The following CTNNA3 variants were observed in gnomAD, a reference collection of about 807,000 sequenced individuals.
CTNNA3 encodes the protein catenin alpha 3, also known as catenin alpha-3.
Under a neutral mutation model 95.7 loss-of-function variants are expected in CTNNA3, and 76 were observed. The observed-to-expected ratio is 0.79, with a 90% CI of 0.66 to 0.96. The LOEUF (loss-of-function observed/expected upper bound fraction) is 0.96, where lower values mean the gene tolerates loss of function less well. Ranked by LOEUF, CTNNA3 falls within the 40% of genes least tolerant of loss-of-function variation. The pLI, the probability that CTNNA3 is intolerant of heterozygous loss-of-function variation, is 0.00. For synonymous variants in CTNNA3, 431 were observed against 374.4 expected (o/e 1.15, Z -1.74); for missense variants, 1,191 against 1,089.8 (o/e 1.09, Z -1.31).
intron 8 of CTNNA3, among the ~76,000 whole-genome samples, chr10:66,772,892 A>G (rs1261967722): frequency 1.3e-5 from 2 of 152,218 alleles, no homozygotes; most frequent in Non-Finnish European, 2.9e-5. Context: ...AAAAGTTTTA[A>G]AAGATAAAAC....
intron 3 of CTNNA3, among the ~76,000 whole-genome samples, chr10:67,586,142 T>C (rs1285456135): frequency 5.3e-5 from 8 of 152,336 alleles, no homozygotes; most frequent in East Asian, 1.9e-4. Context: ...CCAAAGTTCC[T>C]CTTGGTATTG....
intron 5 of CTNNA3, among the ~76,000 whole-genome samples, chr10:67,369,341 T>C (rs1843330658): frequency 6.6e-6 from 1 of 152,148 alleles, no homozygotes; most frequent in African/African-American, 2.4e-5. Flanking sequence ...TAAATAAGAT[T>C]GAATCCATAC....
At chr10:66,113,138 T>C (rs2082181315) in intron 13 of CTNNA3, among the ~76,000 whole-genome samples, 1 of 152,180 alleles carries the variant, frequency 6.6e-6, no homozygotes, top group African/African-American at 2.4e-5. Flanking sequence ...ACTTATCTTT[T>C]CTGTGGCTGT....
At chr10:66,504,351 G>A (rs887268945) in intron 11 of CTNNA3, among the ~76,000 whole-genome samples, 1 of 152,140 alleles carries the variant, frequency 6.6e-6, no homozygotes. Context: ...CATTCTCCAA[G>A]CAAAGGTTTT....
intron 14 of CTNNA3, among the ~76,000 whole-genome samples, chr10:66,100,199 C>T (rs1458448282): frequency 6.6e-6 from 1 of 152,046 alleles, no homozygotes; most frequent in African/African-American, 2.4e-5. Flanking sequence ...CTACTTGATC[C>T]TACTGGGGAC....
intron 4 of CTNNA3, among the ~76,000 whole-genome samples, chr10:67,523,236 T>C (rs1840037448): frequency 6.6e-6 from 1 of 152,156 alleles, no homozygotes; most frequent in African/African-American, 2.4e-5. Flanking sequence ...GAACCTACTA[T>C]GCACAAAGCA....
At chr10:67,707,983 T>G (rs1323782420) in intron 1 of CTNNA3, among the ~76,000 whole-genome samples, 2 of 152,192 alleles carry the variant, frequency 1.3e-5, no homozygotes, top group Admixed American at 6.5e-5. Context: ...TCCCTACCTG[T>G]ATTTCACTTT....
intron 11 of CTNNA3, among the ~76,000 whole-genome samples, chr10:66,399,468 G>C (rs761135011): frequency 6.6e-6 from 1 of 151,900 alleles, no homozygotes; most frequent in Non-Finnish European, 1.5e-5. Flanking sequence ...GTAAATGCGT[G>C]CATATGGCAC....
intron 11 of CTNNA3, among the ~76,000 whole-genome samples, chr10:66,472,065 C>A (rs1911297): frequency 0.21 from 32,279 of 151,900 alleles, 6,544 homozygotes; most frequent in East Asian, 0.84. Flanking sequence ...AGCATCCTCC[C>A]TGGGCTTTTA....
At chr10:66,795,107 A>G (rs922609003) in intron 7 of CTNNA3, among the ~76,000 whole-genome samples, 9 of 152,156 alleles carry the variant, frequency 5.9e-5, no homozygotes, top group Non-Finnish European at 1.5e-5. Context: ...TAATGTTGAT[A>G]TTTTGACCTC....
chr10:66,594,894 A>G (rs1042994647), intron 10 of CTNNA3, among the ~76,000 whole-genome samples: 4 of 152,150 alleles, frequency 2.6e-5, no homozygotes, highest in Admixed American at 6.5e-5. Flanking sequence ...TATCTGCCAT[A>G]TAAGTTTATT....
At chr10:66,082,274 T>A (rs1297691817) in intron 14 of CTNNA3, among the ~76,000 whole-genome samples, 1 of 152,140 alleles carries the variant, frequency 6.6e-6, no homozygotes, top group Non-Finnish European at 1.5e-5. Flanking sequence ...ATTAATATCT[T>A]GAACCTCCTG....
intron 5 of CTNNA3, among the ~76,000 whole-genome samples, chr10:67,385,966 T>A (rs942415224): frequency 6.6e-6 from 1 of 152,026 alleles, no homozygotes; most frequent in African/African-American, 2.4e-5. Flanking sequence ...TACAGTGCAG[T>A]AAAGGGACAT....
rs560816332 is a variant in CTNNA3, at chr10:66,473,626, A to G, written c.1531+46991T>C. On this transcript the variant is annotated intron_variant, in intron 11 of 17. Coordinates refer to ENST00000433211, the MANE Select transcript of CTNNA3 (RefSeq NM_013266.4). Reference sequence around the variant, plus strand: ...GGTGTGCTGCACCCATTAACTCGTCATTTACATTAGGCATATCTCCTAATG... The same window carrying G: ...GGTGTGCTGCACCCATTAACTCGTCGTTTACATTAGGCATATCTCCTAATG... Among the ~76,000 whole-genome samples, 20 of 151,674 alleles carry G rather than the reference A, an allele frequency of 1.3e-4. No homozygotes were observed. The East Asian group carries it at 3.9e-3, about 30-fold the overall frequency.
At chr10:66,507,800 T>C (rs1840504518) in intron 11 of CTNNA3, among the ~76,000 whole-genome samples, 1 of 152,180 alleles carries the variant, frequency 6.6e-6, no homozygotes, top group South Asian at 2.1e-4. Context: ...AGAATAGTGC[T>C]GTAATAAACA....
At chr10:67,266,948 A>C (rs1866852001) in intron 5 of CTNNA3, among the ~76,000 whole-genome samples, 1 of 152,242 alleles carries the variant, frequency 6.6e-6, no homozygotes, top group South Asian at 2.1e-4. Flanking sequence ...ATGATTTATC[A>C]ATTAAAAATA....
At chr10:66,806,944 G>A (rs974903169) in intron 7 of CTNNA3, among the ~76,000 whole-genome samples, 1 of 151,888 alleles carries the variant, frequency 6.6e-6, no homozygotes, top group African/African-American at 2.4e-5. Context: ...AACCAAACCA[G>A]TAAAACACAG....
intron 15 of CTNNA3, among the ~76,000 whole-genome samples, chr10:66,034,499 C>T (rs1433814603): frequency 1.3e-5 from 2 of 152,156 alleles, no homozygotes; most frequent in African/African-American, 4.8e-5. Flanking sequence ...TCAACAGCAG[C>T]AGCAGCAGCA....
chr10:67,238,151 T>A (rs1865577461), intron 5 of CTNNA3, among the ~76,000 whole-genome samples: 1 of 152,170 alleles, frequency 6.6e-6, no homozygotes, highest in Non-Finnish European at 1.5e-5. Flanking sequence ...AAATGTAATA[T>A]ATCAGCACAA....
Sources: allele counts gnomAD v4.1 joint callset (sites outside exome capture counted in the v4.1 genomes callset), GRCh38; gene constraint gnomAD v4.1.1; transcripts MANE v1.5; gene names NCBI Gene and HGNC (gene_info 2026-07-23, HGNC 2026-07-21).